Variants in PCDH11X observed in about 807,000 individuals in gnomAD.
PCDH11X encodes protocadherin 11 X-linked, also known as protocadherin-11 X-linked.
Under a neutral mutation model 53.3 loss-of-function variants are expected in PCDH11X, and 18 were observed. The observed-to-expected ratio is 0.34, with a 90% CI of 0.23 to 0.50. The LOEUF is 0.50. Among genes scored for constraint, PCDH11X ranks in the 20% least tolerant of loss-of-function variants. The pLI is 0.98. For missense variants in PCDH11X, 570 were observed against 1,032.4 expected, an observed-to-expected ratio of 0.55 and a Z score of 6.14; for synonymous variants, 279 against 393.3, an observed-to-expected ratio of 0.71 and a Z score of 3.44.
chrX:92,518,793 G>A (rs1471619390), intron 10 of PCDH11X, among the ~76,000 whole-genome samples: 7 of 81,575 alleles, frequency 8.6e-5, no homozygotes, highest in Non-Finnish European at 1.1e-4. Flanking sequence ...GTCTCGCTCT[G>A]TCGCCCAGGC....
At chrX:92,082,931 C>A (rs1365987085) in intron 6 of PCDH11X, among the ~76,000 whole-genome samples, 1 of 110,828 alleles carries the variant, frequency 9.0e-6, no homozygotes, top group African/African-American at 3.3e-5. Context: ...ATAGAAGATG[C>A]AGTAGAATTT....
intron 6 of PCDH11X, among the ~76,000 whole-genome samples, chrX:92,133,469 C>A (rs764073862): frequency 1.5e-3 from 167 of 111,669 alleles, no homozygotes; most frequent in Non-Finnish European, 1.6e-3. Context: ...TGGCTTCAAG[C>A]GATTCTCCTG....
chrX:92,148,375 G>A (rs1208529156), intron 6 of PCDH11X, among the ~76,000 whole-genome samples: 4 of 103,888 alleles, frequency 3.9e-5, no homozygotes, highest in African/African-American at 1.4e-4. Flanking sequence ...TTACAGGCAT[G>A]CGCCGCCACA....
chrX:91,898,080 C>T (rs927944676), intron 6 of PCDH11X, among the ~76,000 whole-genome samples: 39 of 111,161 alleles, frequency 3.5e-4, no homozygotes, highest in Non-Finnish European at 6.4e-4. Context: ...GATGTCTAAT[C>T]AACAGGATCA....
At chrX:92,538,523 G>C (rs1299226564) in intron 10 of PCDH11X, among the ~76,000 whole-genome samples, 5 of 107,835 alleles carry the variant, frequency 4.6e-5, no homozygotes, top group Non-Finnish European at 7.7e-5. Flanking sequence ...TTTTATTTTT[G>C]TGTATTTGTT....
chrX:92,182,710 A>G (rs1923196367), intron 6 of PCDH11X, among the ~76,000 whole-genome samples: 2 of 111,879 alleles, frequency 1.8e-5, no homozygotes, highest in African/African-American at 6.5e-5. Flanking sequence ...GCTTACTGCC[A>G]TCCATGTGAG....
rs185175961 is a variant in PCDH11X at position 92,167,668 on chromosome X, T to A, written c.3034-33707T>A. ...TCTAGTTAAACTACTGGAAAGATCTTGCTGTCTATTTTGTTATTTTGTAGC... is the reference window on the plus strand; with the variant it reads ...TCTAGTTAAACTACTGGAAAGATCTAGCTGTCTATTTTGTTATTTTGTAGC... On this transcript the variant is annotated intron_variant, in intron 6 of 10. Coordinates refer to ENST00000682573, the MANE Select transcript of PCDH11X (RefSeq NM_032968.5). 8.0e-3 allele frequency among the ~76,000 whole-genome samples: 899 copies of A among 111,946 alleles called. 18 individuals carry two copies. The highest frequency in any genetic ancestry group is 0.028 in the African/African-American group (869 of 30,841).
chrX:92,289,110 G>T (rs2148454990), intron 8 of PCDH11X, among the ~76,000 whole-genome samples: 1 of 111,592 alleles, frequency 9.0e-6, no homozygotes, highest in African/African-American at 3.2e-5. Flanking sequence ...TTTTATGGTT[G>T]TTCTTTATTG....
intron 10 of PCDH11X, among the ~76,000 whole-genome samples, chrX:92,526,000 C>T (rs1911172760): frequency 9.0e-6 from 1 of 111,511 alleles, no homozygotes; most frequent in East Asian, 2.8e-4. Flanking sequence ...TTCCCTGTTG[C>T]TCCCTGTAGC....
At chrX:91,936,991 G>C (rs1303943830) in intron 6 of PCDH11X, among the ~76,000 whole-genome samples, 1 of 109,409 alleles carries the variant, frequency 9.1e-6, no homozygotes, top group East Asian at 2.9e-4. Flanking sequence ...TCCCTTTTAT[G>C]AAACTATAAT....
chrX:92,375,211 A>G lies in PCDH11X; in HGVS notation c.3145-12524A>G, dbSNP rs1224284944. Among the ~76,000 whole-genome samples, 36 of 57,981 alleles carry G rather than the reference A, an allele frequency of 6.2e-4. No homozygotes were observed. In the East Asian group the frequency reaches 0.021, roughly 34 times the overall value. The allele number at this position is 57,981 out of a possible 115,157, so 50.3% of individuals were successfully genotyped here. A position where few individuals can be genotyped will look rare whatever the true frequency, so the allele number is the denominator to read the frequency against. The stretch of plus-strand genomic sequence containing the variant: ...TTTTTTTTGAGATGGAGTCTTGCTC[A>G]GTTGCCCAGGCTGGATTGCAGTGGC... On this transcript the variant is annotated intron_variant, in intron 8 of 10. Transcript: ENST00000682573.
At chrX:91,916,514 A>G (rs928658736) in intron 6 of PCDH11X, among the ~76,000 whole-genome samples, 8 of 111,509 alleles carry the variant, frequency 7.2e-5, no homozygotes, top group Non-Finnish European at 1.3e-4. Context: ...ACAGAAATAC[A>G]AAACATCATT....
At chrX:92,499,381 G>T (rs2148693243) in intron 10 of PCDH11X, among the ~76,000 whole-genome samples, 1 of 86,803 alleles carries the variant, frequency 1.2e-5, no homozygotes, top group East Asian at 4.1e-4. Flanking sequence ...CTAGATAAAG[G>T]TGGTGGATTA....
intron 6 of PCDH11X, among the ~76,000 whole-genome samples, chrX:92,122,237 C>T (rs1358414969): frequency 2.7e-5 from 3 of 110,871 alleles, no homozygotes; most frequent in African/African-American, 9.9e-5. Flanking sequence ...CCCACCTCAG[C>T]CTCCAAAGTG....
rs1228842153 is a variant in PCDH11X, at chrX:92,077,585, G to A, written c.3034-123790G>A. Among the ~76,000 whole-genome samples the A allele has an allele frequency of 2.8e-5, 3 of 106,843 alleles. No individual in the cohort carries two copies. In the Admixed American group the frequency reaches 3.1e-4, roughly 11 times the overall value. 92.8% of individuals were successfully genotyped at this position (106,843 alleles called of 115,157 possible). A position where few individuals can be genotyped will look rare whatever the true frequency, so the allele number is the denominator to read the frequency against. On this transcript the variant is annotated intron_variant, in intron 6 of 10. Transcript: ENST00000682573. The stretch of plus-strand genomic sequence containing the variant: ...ACAGCAGGCCTCATTCCTGTTAGCT[G>A]CTTATATTAAATGTTTCAAAAAAGA...
intron 6 of PCDH11X, among the ~76,000 whole-genome samples, chrX:92,146,425 A>G (rs759876011): frequency 2.2e-4 from 24 of 111,101 alleles, no homozygotes; most frequent in Admixed American, 3.9e-4. Flanking sequence ...ATGAGGGGCA[A>G]TATGGAATAC....
At position 92,293,317 on chromosome X, in the gene PCDH11X, T is replaced by A. The variant is rs146782367; in HGVS notation, c.3144+30174T>A. On this transcript the variant is annotated intron_variant, in intron 8 of 10. Transcript: ENST00000682573. The stretch of plus-strand genomic sequence containing the variant: ...GAAGAACTTTGGAATGGTAATAGAG[T>A]TCTATAACATAGAACTAAAGCTGTG... Among the ~76,000 whole-genome samples the A allele has an allele frequency of 2.8e-5, 3 of 107,913 alleles. No homozygotes were observed. The East Asian group carries it at 8.9e-4, about 32-fold the overall frequency. The allele number at this position is 107,913 out of a possible 115,157, so 93.7% of individuals were successfully genotyped here.
intron 10 of PCDH11X, among the ~76,000 whole-genome samples, chrX:92,599,003 G>A (rs1925940314): frequency 9.0e-6 from 1 of 110,674 alleles, no homozygotes; most frequent in Non-Finnish European, 1.9e-5. Flanking sequence ...TGAACTCATG[G>A]AGATAGAGTG....
chrX:91,840,075 A>G (rs1323809007), intron 5 of PCDH11X, among the ~76,000 whole-genome samples: 1 of 111,142 alleles, frequency 9.0e-6, no homozygotes, highest in African/African-American at 3.3e-5. Flanking sequence ...AGGGAAGCCA[A>G]CATTTTCACA....
Sources: gnomAD v4.1 joint callset for allele counts (sites outside exome capture counted in the v4.1 genomes callset) on GRCh38, gnomAD v4.1.1 for gene constraint, MANE v1.5 for transcripts, NCBI Gene and HGNC (gene_info 2026-07-23, HGNC 2026-07-21) for gene names.